The following RAPGEF6 variants were observed in gnomAD, a reference collection of about 807,000 sequenced individuals.
RAPGEF6 encodes PDZ domain containing guanine nucleotide exchange factor (GEF) 2.
In RAPGEF6, 56 loss-of-function variants were observed where a neutral mutation model predicts 171.4. The observed-to-expected ratio is 0.33, with a 90% CI of 0.26 to 0.41. The LOEUF is 0.41. Among genes scored for constraint, RAPGEF6 ranks in the 10% least tolerant of loss-of-function variants. The pLI is 1.00. For synonymous variants in RAPGEF6, 692 were observed against 650.1 expected, an observed-to-expected ratio of 1.06 and a Z score of -0.98; for missense variants, 1,674 against 1,921.4, an observed-to-expected ratio of 0.87 and a Z score of 2.41.
At chr5:131,509,554 T>TA (rs1757587828) in intron 8 of RAPGEF6, among the ~76,000 whole-genome samples, 2 of 147,948 alleles carry the variant, frequency 1.4e-5, no homozygotes, top group African/African-American at 5.2e-5. Flanking sequence ...AAAAAAAAAA[T>TA]AAGAGTACAC....
At chr5:131,591,757 C>A (rs1420132426) in intron 4 of RAPGEF6, among the ~76,000 whole-genome samples, 1 of 152,128 alleles carries the variant, frequency 6.6e-6, no homozygotes, top group Non-Finnish European at 1.5e-5. Flanking sequence ...TTGATTTACT[C>A]CAAAAACCAA....
At chr5:131,579,617 T>A (rs1349310016) in intron 4 of RAPGEF6, among the ~76,000 whole-genome samples, 2 of 152,122 alleles carry the variant, frequency 1.3e-5, no homozygotes, top group Non-Finnish European at 2.9e-5. Context: ...GAGCACTGAT[T>A]GGTGCATTTA....
At chr5:131,612,201 A>ATTTTTTTTTTTTT (rs35306366) in intron 1 of RAPGEF6, among the ~76,000 whole-genome samples, 1 of 83,328 alleles carries the variant, frequency 1.2e-5, no homozygotes, top group African/African-American at 4.3e-5. Context: ...TGCTCAGCTA[A>ATTTTTTTTTTTTT]TTTTTTTTTT....
intron 7 of RAPGEF6, among the ~76,000 whole-genome samples, chr5:131,515,592 A>C (rs1387605755): frequency 6.6e-6 from 1 of 152,198 alleles, no homozygotes; most frequent in African/African-American, 2.4e-5. Flanking sequence ...GAAAAATGTC[A>C]AGTTTACAAG....
At chr5:131,626,965 G>A (rs553910024) in intron 1 of RAPGEF6, among the ~76,000 whole-genome samples, 3 of 152,274 alleles carry the variant, frequency 2.0e-5, no homozygotes, top group African/African-American at 7.2e-5. Context: ...AGATCTGAGA[G>A]GAAGATCACT....
rs1246719547 is a variant in RAPGEF6, at chr5:131,425,176, TC to T, written c.*2089del. On this transcript the variant is annotated 3_prime_UTR_variant, in exon 28 of 28. Coordinates refer to ENST00000509018, the MANE Select transcript of RAPGEF6 (RefSeq NM_016340.6). ...AGGTGCAAGTCCAAAACCATAGGCC[TC>T]AACACTCTGTGCAAGATATTTACAC... The T allele has an allele frequency of 6.6e-6, 1 of 152,312 alleles. No individual in the cohort carries two copies. The highest frequency in any genetic ancestry group is 1.5e-5 in the Non-Finnish European group (1 of 68,044). The allele number at this position is 152,312 out of a possible 1,614,324, so 9.4% of individuals were successfully genotyped here.
intron 15 of RAPGEF6, among the ~76,000 whole-genome samples, chr5:131,479,981 G>C (rs1426692451): frequency 6.6e-6 from 1 of 151,904 alleles, no homozygotes; most frequent in African/African-American, 2.4e-5. Context: ...ACTAATAAAA[G>C]GAAAGTCAGT....
At chr5:131,478,489 G>A (rs1236614983) in intron 16 of RAPGEF6, among the ~76,000 whole-genome samples, 2 of 152,102 alleles carry the variant, frequency 1.3e-5, no homozygotes, top group African/African-American at 4.8e-5. Flanking sequence ...AATATTCAAG[G>A]TCCCTCATAA....
chr5:131,459,530 AT>A (rs1385223444), intron 19 of RAPGEF6, among the ~76,000 whole-genome samples: 2 of 152,226 alleles, frequency 1.3e-5, no homozygotes, highest in Non-Finnish European at 2.9e-5. Flanking sequence ...AGGAAAAAAA[AT>A]AATACATCTA....
intron 25 of RAPGEF6, among the ~76,000 whole-genome samples, chr5:131,431,632 G>A (rs937590027): frequency 2.1e-5 from 3 of 143,106 alleles, no homozygotes; most frequent in African/African-American, 7.8e-5. Flanking sequence ...TTTTTTTTTC[G>A]AGACAGGGTG....
rs773325643 is a variant in RAPGEF6 at position 131,427,024 on chromosome 5, C to T, written c.*242G>A. On this transcript the variant is annotated 3_prime_UTR_variant, in exon 28 of 28. Coordinates refer to ENST00000509018, the MANE Select transcript of RAPGEF6 (RefSeq NM_016340.6). ...AACTGTGGTCCCAAGGCAGTTCCGG[C>T]GTGCAAAGTGGAGACTGGTATCCAG... The T allele has an allele frequency of 1.7e-5, 9 of 519,744 alleles. No individual in the cohort carries two copies. The highest frequency in any genetic ancestry group is 6.0e-5 in the African/African-American group (3 of 50,356). The allele number at this position is 519,744 out of a possible 1,614,324, so 32.2% of individuals were successfully genotyped here.
intron 16 of RAPGEF6, among the ~76,000 whole-genome samples, chr5:131,475,414 T>TA (rs1310487092): frequency 6.6e-6 from 1 of 152,180 alleles, no homozygotes; most frequent in African/African-American, 2.4e-5. Context: ...ATTATGAAAC[T>TA]AAAAAGGCTA....
chr5:131,581,707 A>C (rs1161549855), intron 4 of RAPGEF6, among the ~76,000 whole-genome samples: 1 of 152,158 alleles, frequency 6.6e-6, no homozygotes, highest in Non-Finnish European at 1.5e-5. Flanking sequence ...AAAGACAGGA[A>C]TGTAAGGTCC....
chr5:131,565,728 G>T (rs1038633363), intron 4 of RAPGEF6, among the ~76,000 whole-genome samples: 1 of 152,144 alleles, frequency 6.6e-6, no homozygotes, highest in Non-Finnish European at 1.5e-5. Flanking sequence ...GGTACCAAAA[G>T]AATTCAATGG....
rs1027855831 is a variant in RAPGEF6, at chr5:131,427,356, T to G, written c.4781-65A>C. ...TATTAATGAGATCCTAATAATCTAG[T>G]TATCTATTTAGAAAATCAATGTCAA... On this transcript the variant is annotated intron_variant, in intron 27 of 27. Transcript: ENST00000509018. 7.4e-6 allele frequency: 10 copies of G among 1,345,166 alleles called. No homozygotes were observed. The African/African-American group carries it at 1.5e-4, about 20-fold the overall frequency. The allele number at this position is 1,345,166 out of a possible 1,614,324, so 83.3% of individuals were successfully genotyped here.
At chr5:131,608,681 A>G (rs1378819889) in intron 1 of RAPGEF6, among the ~76,000 whole-genome samples, 1 of 152,164 alleles carries the variant, frequency 6.6e-6, no homozygotes, top group African/African-American at 2.4e-5. Context: ...TTGTAAATAG[A>G]TCAATGCTTG....
At position 131,571,752 on chromosome 5, in the gene RAPGEF6, A is replaced by G. The variant is rs751534860; in HGVS notation, c.282-9705T>C. Reference sequence around the variant, plus strand: ...CATACGGAACTGCAAAGAACATATGAAAACAAATAACCAAAACAATTTTTA... The same window carrying G: ...CATACGGAACTGCAAAGAACATATGGAAACAAATAACCAAAACAATTTTTA... On this transcript the variant is annotated intron_variant, in intron 4 of 27. Coordinates refer to ENST00000509018, the MANE Select transcript of RAPGEF6 (RefSeq NM_016340.6). Among the ~76,000 whole-genome samples the G allele has an allele frequency of 1.3e-4, 20 of 152,320 alleles. No homozygotes were observed. The South Asian group carries it at 1.5e-3, about 11-fold the overall frequency.
intron 6 of RAPGEF6, among the ~76,000 whole-genome samples, chr5:131,537,381 G>C (rs753832805): frequency 6.6e-6 from 1 of 152,102 alleles, no homozygotes; most frequent in Non-Finnish European, 1.5e-5. Context: ...GAATAATAAA[G>C]ACAATTTTAA....
chr5:131,535,511 G>T (rs1759706892), intron 6 of RAPGEF6, among the ~76,000 whole-genome samples: 1 of 152,044 alleles, frequency 6.6e-6, no homozygotes, highest in Non-Finnish European at 1.5e-5. Context: ...TCTACCTATT[G>T]TCTAGGAATC....
Sources: gnomAD v4.1 joint callset for allele counts (sites outside exome capture counted in the v4.1 genomes callset) on GRCh38, gnomAD v4.1.1 for gene constraint, MANE v1.5 for transcripts, NCBI Gene and HGNC (gene_info 2026-07-23, HGNC 2026-07-21) for gene names.